Variants in AKT3 observed in about 807,000 individuals in gnomAD.
AKT3 encodes AKT serine/threonine kinase 3.
In AKT3, 15 loss-of-function variants were observed where a neutral mutation model predicts 65.3. The ratio of observed to expected loss-of-function variants is 0.23; its 90% CI spans 0.15 to 0.35. AKT3 has a LOEUF of 0.35. AKT3 is among the 10% of genes least tolerant of loss of function. The probability of loss-of-function intolerance (pLI) is 1.00; values close to 1 mark genes in which losing one functional copy is unlikely to be tolerated. For missense variants in AKT3, 243 were observed against 576.5 expected (o/e 0.42, Z 5.92); for synonymous variants, 206 against 183.8 (o/e 1.12, Z -0.98).
intron 3 of AKT3, among the ~76,000 whole-genome samples, chr1:243,677,499 A>C (rs1683601133): frequency 6.6e-6 from 1 of 152,008 alleles, no homozygotes; most frequent in Admixed American, 6.5e-5. Flanking sequence ...TTCTCATAAA[A>C]TGTATATTTA....
At chr1:243,616,108 A>G (rs946676495) in intron 6 of AKT3, among the ~76,000 whole-genome samples, 1 of 151,600 alleles carries the variant, frequency 6.6e-6, no homozygotes, top group African/African-American at 2.4e-5. Context: ...TGTTACATGA[A>G]TAAGTTCTTT....
intron 13 of AKT3, among the ~76,000 whole-genome samples, chr1:243,490,130 T>C (rs1666031174): frequency 6.6e-6 from 1 of 152,220 alleles, no homozygotes; most frequent in Non-Finnish European, 1.5e-5. Context: ...AGGAGTCTCA[T>C]TCTCCTCACA....
intron 2 of AKT3, among the ~76,000 whole-genome samples, chr1:243,771,169 C>T (rs907897165): frequency 3.3e-5 from 5 of 152,188 alleles, no homozygotes; most frequent in Non-Finnish European, 5.9e-5. Flanking sequence ...GTTGAAACTA[C>T]AACCTCTTCT....
intron 3 of AKT3, among the ~76,000 whole-genome samples, chr1:243,673,484 T>C (rs1452768755): frequency 6.6e-6 from 1 of 152,130 alleles, no homozygotes; most frequent in Non-Finnish European, 1.5e-5. Flanking sequence ...TCCATTGTAC[T>C]CATACACCAG....
At chr1:243,548,571 C>CA (rs1243115532) in intron 11 of AKT3, among the ~76,000 whole-genome samples, 2 of 152,110 alleles carry the variant, frequency 1.3e-5, no homozygotes, top group Non-Finnish European at 2.9e-5. Context: ...CTCTAATATA[C>CA]AATTTAAGAC....
chr1:243,832,018 T>C (rs1694550931), intron 2 of AKT3, among the ~76,000 whole-genome samples: 1 of 150,960 alleles, frequency 6.6e-6, no homozygotes, highest in Admixed American at 6.6e-5. Flanking sequence ...CAGTGGCTCC[T>C]GCCTGTAATC....
At chr1:243,818,641 A>C (rs1198145729) in intron 2 of AKT3, among the ~76,000 whole-genome samples, 1 of 152,204 alleles carries the variant, frequency 6.6e-6, no homozygotes, top group African/African-American at 2.4e-5. Flanking sequence ...GAAAACAATT[A>C]AGACTTAAAT....
intron 2 of AKT3, among the ~76,000 whole-genome samples, chr1:243,804,557 A>G (rs1395026014): frequency 1.3e-5 from 2 of 152,204 alleles, no homozygotes; most frequent in African/African-American, 4.8e-5. Flanking sequence ...CAAGAATACA[A>G]TATACATGGC....
intron 13 of AKT3, among the ~76,000 whole-genome samples, chr1:243,491,132 T>G (rs940593909): frequency 6.6e-6 from 1 of 152,224 alleles, no homozygotes; most frequent in African/African-American, 2.4e-5. Flanking sequence ...AACGTGGGCT[T>G]TGCCTTTTAA....
intron 6 of AKT3, among the ~76,000 whole-genome samples, chr1:243,632,510 A>G (rs2147794686): frequency 6.6e-6 from 1 of 152,336 alleles, no homozygotes; most frequent in South Asian, 2.1e-4. Flanking sequence ...CAGGCAGTGT[A>G]GAGTTACCAT....
At chr1:243,827,391 T>C (rs1244842685) in intron 2 of AKT3, among the ~76,000 whole-genome samples, 2 of 152,184 alleles carry the variant, frequency 1.3e-5, no homozygotes, top group African/African-American at 4.8e-5. Context: ...ATCAAATGAC[T>C]TCTTACTATA....
At position 243,532,010 on chromosome 1, in the gene AKT3, G is replaced by A. The variant is rs1401596714; in HGVS notation, c.1251+13500C>T. 2.0e-5 allele frequency among the ~76,000 whole-genome samples: 3 copies of A among 152,200 alleles called. No individual in the cohort carries two copies. The East Asian group carries it at 5.8e-4, about 29-fold the overall frequency. ...AGTTCTAAGCACAAGTGTGGCACGT[G>A]TGTGTGTATGTTTTAGGGTTTTCTA... On this transcript the variant is annotated intron_variant, in intron 12 of 13. Transcript: ENST00000673466.
At chr1:243,557,940 C>T (rs1673515982) in intron 10 of AKT3, among the ~76,000 whole-genome samples, 1 of 152,028 alleles carries the variant, frequency 6.6e-6, no homozygotes, top group Non-Finnish European at 1.5e-5. Flanking sequence ...GATTCTAAGA[C>T]TAGTTTTACA....
intron 2 of AKT3, among the ~76,000 whole-genome samples, chr1:243,738,524 T>C (rs745523910): frequency 3.3e-5 from 5 of 152,218 alleles, no homozygotes; most frequent in African/African-American, 9.7e-5. Flanking sequence ...CTTGTTCTTT[T>C]AAGAAGGAAT....
intron 4 of AKT3, among the ~76,000 whole-genome samples, chr1:243,653,728 T>C (rs1681551980): frequency 6.6e-6 from 1 of 152,200 alleles, no homozygotes; most frequent in East Asian, 1.9e-4. Flanking sequence ...CCCATTTTTA[T>C]CCCTTTAATT....
intron 6 of AKT3, among the ~76,000 whole-genome samples, chr1:243,628,053 T>C (rs1009517200): frequency 2.0e-5 from 3 of 152,208 alleles, no homozygotes; most frequent in Admixed American, 6.5e-5. Context: ...CAGTAACCAC[T>C]GGGACCATGG....
At chr1:243,489,179 C>T in intron 13 of AKT3, 1 of 1,605,620 alleles carries the variant, frequency 6.2e-7, no homozygotes, top group South Asian at 1.1e-5. Context: ...AGTCCTTGGG[C>T]GGGCGTCTAC....
intron 4 of AKT3, among the ~76,000 whole-genome samples, chr1:243,658,260 A>T (rs1414384324): frequency 1.3e-5 from 2 of 152,230 alleles, no homozygotes; most frequent in Admixed American, 6.5e-5. Context: ...TAGCGAAAAC[A>T]AAAAACAGAA....
chr1:243,728,849 G>A (rs1439110421), intron 2 of AKT3, among the ~76,000 whole-genome samples: 1 of 152,114 alleles, frequency 6.6e-6, no homozygotes, highest in African/African-American at 2.4e-5. Context: ...AGGACTTCAG[G>A]GAAACTTAGT....
Sources: allele counts gnomAD v4.1 joint callset (sites outside exome capture counted in the v4.1 genomes callset), GRCh38; gene constraint gnomAD v4.1.1; transcripts MANE v1.5; gene names NCBI Gene and HGNC (gene_info 2026-07-23, HGNC 2026-07-21).